Variants in ZNF732 observed in about 807,000 individuals in gnomAD.
The protein encoded by ZNF732 is zinc finger protein LOC654254.
ZNF732 carries 12 observed loss-of-function variants against 11.5 expected under a neutral mutation model. The ratio of observed to expected loss-of-function variants is 1.05; its 90% confidence interval spans 0.67 to 1.70. The LOEUF (loss-of-function observed/expected upper bound fraction) is 1.70. Ranked by LOEUF, ZNF732 falls within the 40% of genes most tolerant of loss-of-function variation. The probability of loss-of-function intolerance (pLI) is 0.00; values close to 1 mark genes in which losing one functional copy is unlikely to be tolerated. For synonymous variants in ZNF732, 231 were observed against 236.5 expected (o/e 0.98, Z 0.21); for missense variants, 702 against 676.9 (o/e 1.04, Z -0.41).
rs782496640 is a variant in ZNF732, at chr4:271,883, T to C, written c.974A>G (p.Asn325Ser). The C allele has an allele frequency of 3.1e-6, 5 of 1,613,360 alleles. No individual in the cohort carries two copies. The African/African-American group carries it at 6.7e-5, about 22-fold the overall frequency. ...FNRSTTLTKH[N>S]RIHTGEKPYT... is the part of the protein sequence containing the mutation. ...GGGTTTCTCTCCAGTATGAATTCTGTTATGTTTAGTAAGGGTTGTGGACCT... is the reference window on the plus strand; with the variant it reads ...GGGTTTCTCTCCAGTATGAATTCTGCTATGTTTAGTAAGGGTTGTGGACCT... Residue 325 changes from asparagine (N) to serine (S), a missense_variant, in exon 4 of 4, where the codon AAC (asparagine) becomes AGC (serine). Asn to Ser is a conservative substitution (Grantham distance 46). This residue lies in a region of ZNF732 where 596 missense variants were observed against 557.9 expected (regional missense o/e 1.07). Transcript: ENST00000419098.
At chr4:283,098 T>C (rs1317384937) in intron 3 of ZNF732, among the ~76,000 whole-genome samples, 1 of 152,156 alleles carries the variant, frequency 6.6e-6, no homozygotes, top group Non-Finnish European at 1.5e-5. Flanking sequence ...TATAAGGTCA[T>C]GAGAGGATCA....
At chr4:275,424 A>G (rs1465946231) in intron 3 of ZNF732, among the ~76,000 whole-genome samples, 2 of 151,734 alleles carry the variant, frequency 1.3e-5, no homozygotes, top group Non-Finnish European at 3.0e-5. Context: ...TATGGAATTA[A>G]GAAACAGTGA....
intron 3 of ZNF732, 48 bp from the exon 4 acceptor site, chr4:272,678 T>C: frequency 7.1e-7 from 1 of 1,410,756 alleles, no homozygotes; most frequent in Non-Finnish European, 9.3e-7. Flanking sequence ...TTCATACGAA[T>C]ATACTTTAAA....
At chr4:287,933 A>G (rs1257037416) in intron 3 of ZNF732, among the ~76,000 whole-genome samples, 1 of 150,268 alleles carries the variant, frequency 6.7e-6, no homozygotes, top group Non-Finnish European at 1.5e-5. Context: ...CAATTTCTCT[A>G]CATTCTTTAC....
At chr4:296,357 C>T (rs540758088) in intron 1 of ZNF732, among the ~76,000 whole-genome samples, 7 of 152,092 alleles carry the variant, frequency 4.6e-5, no homozygotes, top group African/African-American at 1.2e-4. Context: ...ATAAAAATAA[C>T]GGGCTACACT....
chr4:287,805 T>G (rs1279778331), intron 3 of ZNF732, among the ~76,000 whole-genome samples: 1 of 152,166 alleles, frequency 6.6e-6, no homozygotes, highest in Non-Finnish European at 1.5e-5. Flanking sequence ...GAATAGGTGC[T>G]CAGAAGTAGA....
chr4:281,488 C>T (rs1041455826), intron 3 of ZNF732, among the ~76,000 whole-genome samples: 7 of 152,196 alleles, frequency 4.6e-5, no homozygotes, highest in African/African-American at 1.7e-4. Context: ...TAACTGGAGG[C>T]TTTTTTCCTC....
intron 3 of ZNF732, among the ~76,000 whole-genome samples, chr4:290,214 TC>T (rs532676080): frequency 4.6e-4 from 70 of 152,108 alleles, no homozygotes; most frequent in Non-Finnish European, 6.5e-4. Context: ...GAGTCAAAGA[TC>T]AAGGGGGGTT....
chr4:299,428 CAT>C (rs782531305), intron 1 of ZNF732, among the ~76,000 whole-genome samples: 4,300 of 79,440 alleles, frequency 0.054, 391 homozygotes, highest in Middle Eastern at 0.13. Context: ...CATATATACA[CAT>C]ATGTGTATAT....
At chr4:272,750 C>A in intron 3 of ZNF732, 120 bp from the exon 4 acceptor site, 1 of 969,194 alleles carries the variant, frequency 1.0e-6, no homozygotes, top group Non-Finnish European at 1.4e-6. Context: ...ATACCACAGG[C>A]CATAATTTCT....
Position 271,458 on chromosome 4 carries a change from T to G in ZNF732, c.1399A>C (p.Ile467Leu), listed in dbSNP as rs781828171. ...WSAYLSKHKK[I>L]HTGEKPYRCE... ...CTATAAGGTTTCTCTCCAGTATGAA[T>G]TTTCTTATGTTTACTCAGGTATGCA... The change falls in exon 4 of 4, where the codon ATT becomes CTT. Residue 467 changes from isoleucine (I) to leucine (L), a missense_variant. Coordinates refer to ENST00000419098, the MANE Select transcript of ZNF732 (RefSeq NM_001137608.3). 5.6e-6 allele frequency: 9 copies of G among 1,607,402 alleles called. No individual in the cohort carries two copies. Among genetic ancestry groups the G allele is most frequent in the Non-Finnish European group, 7.6e-6 (9 of 1,176,868 alleles).
chr4:271,496 G>A lies in ZNF732; in HGVS notation c.1361C>T (p.Ala454Val). 1 of 1,610,964 alleles carries A rather than the reference G, an allele frequency of 6.2e-7. No homozygotes were observed. The highest frequency in any genetic ancestry group is 2.2e-5 in the East Asian group (1 of 44,822). ...ACTCAGGTATGCAGACCATCCAAAG[G>A]CTTTGCCACACTCTTCACATTTGTA... ...KPYKCEECGK[A>V]FGWSAYLSKH... The change falls in exon 4 of 4, where the codon GCC becomes GTC. Residue 454 changes from alanine (A) to valine (V), a missense_variant. Ala to Val is a moderately conservative substitution (Grantham distance 64, BLOSUM62 0). Coordinates refer to ENST00000419098, the MANE Select transcript of ZNF732 (RefSeq NM_001137608.3).
Position 296,116 on chromosome 4 carries a change from G to A in ZNF732, c.43C>T (p.Pro15Ser). The change falls in exon 2 of 4, where the codon CCA becomes TCA. Residue 15 changes from proline to serine, a missense_variant. This residue lies in a region of ZNF732 where 596 missense variants were observed against 557.9 expected (regional missense o/e 1.07). Coordinates refer to ENST00000419098, the MANE Select transcript of ZNF732 (RefSeq NM_001137608.3). ...GGGTCCAGGCATTTCCACTCTTCTG[G>A]AGAGAATTCTATGGCCACATCCCTG... ...TFRDVAIEFSPEEWKCLDPAQ... is the reference protein window; with the variant it reads ...TFRDVAIEFSSEEWKCLDPAQ... 1 of 1,613,638 alleles carries A rather than the reference G, an allele frequency of 6.2e-7. No homozygotes were observed. Among genetic ancestry groups the A allele is most frequent in the South Asian group, 1.1e-5 (1 of 91,006 alleles).
chr4:296,776 C>A (rs1239370819), intron 1 of ZNF732, among the ~76,000 whole-genome samples: 1 of 152,182 alleles, frequency 6.6e-6, no homozygotes, highest in Non-Finnish European at 1.5e-5. Context: ...TCCACCTAGA[C>A]ACATTATATT....
At chr4:285,178 T>C (rs1719704984) in intron 3 of ZNF732, among the ~76,000 whole-genome samples, 1 of 151,524 alleles carries the variant, frequency 6.6e-6, no homozygotes, top group South Asian at 2.1e-4. Context: ...AAAGAGTGTT[T>C]GTGAGGGAAA....
Position 272,407 on chromosome 4 carries a change from A to G in ZNF732, c.450T>C (p.Phe150=). 1 of 1,596,134 alleles carries G rather than the reference A, an allele frequency of 6.3e-7. No homozygotes were observed. The highest frequency in any genetic ancestry group is 8.5e-7 in the Non-Finnish European group (1 of 1,170,014). The part of the protein sequence containing the change: ...IFQCNVHVKV[F]STFSNSNQRR... ...GTTGGTTTGAATTTGAAAATGTACT[A>G]AATACTTTGACATGTACATTACACT... is the stretch of plus-strand genomic sequence containing the variant. Residue 150 remains phenylalanine, a synonymous_variant, in exon 4 of 4, where the codon TTT becomes TTC. Transcript: ENST00000419098.
chr4:280,607 C>A lies in ZNF732; in HGVS notation c.227-7977G>T, dbSNP rs140120949. ...TGCCAAAAAAAAGCAGCAGTTATGT[C>A]CTGAAAAAGGAAATTTATGGGAGCT... On this transcript the variant is annotated intron_variant, in intron 3 of 3. Transcript: ENST00000419098. 2.6e-4 allele frequency among the ~76,000 whole-genome samples: 39 copies of A among 152,128 alleles called. No individual in the cohort carries two copies. In the East Asian group the frequency reaches 6.4e-3, roughly 25 times the overall value.
intron 1 of ZNF732, among the ~76,000 whole-genome samples, chr4:304,253 G>A (rs1041704277): frequency 3.9e-5 from 6 of 152,028 alleles, no homozygotes; most frequent in African/African-American, 1.5e-4. Flanking sequence ...TGGCAGCAGG[G>A]TGCAGGGAAG....
intron 3 of ZNF732, among the ~76,000 whole-genome samples, chr4:290,688 G>A (rs1719827635): frequency 6.6e-6 from 1 of 152,104 alleles, no homozygotes; most frequent in Non-Finnish European, 1.5e-5. Context: ...CAAAACCCTA[G>A]CCTACAACCT....
Sources: allele counts gnomAD v4.1 joint callset (sites outside exome capture counted in the v4.1 genomes callset), GRCh38; gene constraint gnomAD v4.1.1; regional missense constraint gnomAD v4.1.1; transcripts MANE v1.5; gene names NCBI Gene and HGNC (gene_info 2026-07-23, HGNC 2026-07-21).